The following TSHR variants were observed in gnomAD, a reference collection of about 807,000 sequenced individuals.
TSHR encodes the protein thyrotropin receptor.
A neutral mutation model predicts 64.1 loss-of-function variants in TSHR; 51 were observed. The observed-to-expected ratio is 0.80, with a 90% CI of 0.64 to 1.01. The LOEUF (loss-of-function observed/expected upper bound fraction) is 1.01, where lower values mean the gene tolerates loss of function less well. Among genes scored for constraint, TSHR ranks in the 50% least tolerant of loss-of-function variants. The pLI, the probability that TSHR is intolerant of heterozygous loss-of-function variation, is 0.00. For synonymous variants in TSHR, 361 were observed against 361.9 expected, an observed-to-expected ratio of 1.00 and a Z score of 0.03; for missense variants, 877 against 942.8, an observed-to-expected ratio of 0.93 and a Z score of 0.91.
At chr14:80,981,242 A>T (rs539509918) in intron 1 of TSHR, among the ~76,000 whole-genome samples, 2 of 152,316 alleles carry the variant, frequency 1.3e-5, no homozygotes, top group East Asian at 3.9e-4. Flanking sequence ...TCAGCTTGGG[A>T]GGTGTCTCAG....
chr14:81,063,894 T>C (rs1197658564), intron 2 of TSHR, among the ~76,000 whole-genome samples: 1 of 151,938 alleles, frequency 6.6e-6, no homozygotes, highest in Non-Finnish European at 1.5e-5. Flanking sequence ...TGATCTGCAT[T>C]ATATAGCAAA....
At chr14:81,030,927 C>T (rs1437139401) in intron 1 of TSHR, among the ~76,000 whole-genome samples, 1 of 152,020 alleles carries the variant, frequency 6.6e-6, no homozygotes, top group Non-Finnish European at 1.5e-5. Flanking sequence ...TGGAGGTTTG[C>T]CAGGGCATAT....
intron 8 of TSHR, among the ~76,000 whole-genome samples, chr14:81,126,531 G>A (rs1891026902): frequency 6.6e-6 from 1 of 152,066 alleles, no homozygotes; most frequent in Non-Finnish European, 1.5e-5. Context: ...TATTTCTTTA[G>A]CATGGTTTTG....
intron 3 of TSHR, among the ~76,000 whole-genome samples, chr14:81,077,732 T>C (rs751848466): frequency 1.3e-5 from 2 of 152,226 alleles, no homozygotes; most frequent in Non-Finnish European, 2.9e-5. Context: ...TTTTCCTATT[T>C]GCTTTGTCTT....
At chr14:80,959,948 G>C (rs924503216) in intron 1 of TSHR, among the ~76,000 whole-genome samples, 12 of 152,010 alleles carry the variant, frequency 7.9e-5, no homozygotes, top group Admixed American at 6.6e-4. Context: ...GCATGACTTC[G>C]TACAAATAAG....
intron 1 of TSHR, chr14:80,992,019 T>G (rs1888749365): frequency 6.3e-6 from 1 of 159,828 alleles, no homozygotes; most frequent in African/African-American, 2.4e-5. Flanking sequence ...TCCTATAAAC[T>G]GGGGACTATT....
chr14:81,060,177 G>A (rs537041190), intron 1 of TSHR, among the ~76,000 whole-genome samples: 35 of 152,156 alleles, frequency 2.3e-4, no homozygotes, highest in African/African-American at 4.6e-4. Context: ...CAATCTTACC[G>A]TAAGTATGCC....
Position 81,144,643 on chromosome 14 carries a change from G to A in TSHR, c.*290G>A, listed in dbSNP as rs575676055. ...TGATGCCAAGTCCAGAGATGTCATT[G>A]TGTAGGATGTTCAGTAAATATTAAC... On this transcript the variant is annotated 3_prime_UTR_variant, in exon 10 of 10. Transcript: ENST00000298171. 9.0e-6 allele frequency: 4 copies of A among 445,674 alleles called. No homozygotes were observed. Among genetic ancestry groups the A allele is most frequent in the Non-Finnish European group, 1.6e-5 (4 of 247,478 alleles). The allele number at this position is 445,674 out of a possible 1,614,324, so 27.6% of individuals were successfully genotyped here. A position where few individuals can be genotyped will look rare whatever the true frequency, so the allele number is the denominator to read the frequency against.
intron 2 of TSHR, among the ~76,000 whole-genome samples, chr14:81,064,562 AACAG>A (rs1886470514): frequency 6.6e-6 from 1 of 152,182 alleles, no homozygotes; most frequent in Non-Finnish European, 1.5e-5. Flanking sequence ...TCAGGGAACA[AACAG>A]ACAAAGATCC....
chr14:81,063,505 T>A (rs1369762224), intron 2 of TSHR, among the ~76,000 whole-genome samples: 2 of 152,164 alleles, frequency 1.3e-5, no homozygotes, highest in African/African-American at 4.8e-5. Flanking sequence ...GTTCCTTCTC[T>A]TTTAACAGCA....
chr14:81,113,202 T>C (rs1890306157), intron 8 of TSHR, among the ~76,000 whole-genome samples: 1 of 152,160 alleles, frequency 6.6e-6, no homozygotes, highest in Non-Finnish European at 1.5e-5. Context: ...GCAGTAGAGA[T>C]GATGAGAAAT....
chr14:81,059,159 C>G (rs1158144716), intron 1 of TSHR, among the ~76,000 whole-genome samples: 1 of 152,144 alleles, frequency 6.6e-6, no homozygotes, highest in Non-Finnish European at 1.5e-5. Flanking sequence ...GGAGCAGATG[C>G]TCTCTAAATA....
chr14:81,080,544 C>G (rs1036727026), intron 3 of TSHR, among the ~76,000 whole-genome samples: 1 of 151,988 alleles, frequency 6.6e-6, no homozygotes, highest in Non-Finnish European at 1.5e-5. Flanking sequence ...CTTTAAAAAT[C>G]TGAATACTTA....
chr14:80,963,034 T>C (rs893449435), intron 1 of TSHR, among the ~76,000 whole-genome samples: 45 of 152,154 alleles, frequency 3.0e-4, no homozygotes, highest in African/African-American at 9.7e-4. Flanking sequence ...TAATTTCCTT[T>C]TCAACTTAAA....
chr14:81,018,218 G>A (rs745621930), intron 1 of TSHR, among the ~76,000 whole-genome samples: 3 of 152,070 alleles, frequency 2.0e-5, no homozygotes, highest in Non-Finnish European at 4.4e-5. Flanking sequence ...CATGAAAGCC[G>A]CCCAATAAAT....
At chr14:80,985,109 G>C (rs1230662765) in intron 1 of TSHR, among the ~76,000 whole-genome samples, 1 of 152,132 alleles carries the variant, frequency 6.6e-6, no homozygotes, top group Non-Finnish European at 1.5e-5. Context: ...AATTAGCCGG[G>C]TGTGGTGGCG....
intron 6 of TSHR, 123 bp from the exon 7 acceptor site, chr14:81,096,516 T>C (rs1595105189): frequency 7.8e-6 from 7 of 897,012 alleles, no homozygotes; most frequent in Non-Finnish European, 1.3e-5. Flanking sequence ...GGGATACATA[T>C]GTGGGACCTG....
chr14:81,037,973 A>G (rs1884734497), intron 1 of TSHR, among the ~76,000 whole-genome samples: 1 of 151,688 alleles, frequency 6.6e-6, no homozygotes, highest in Non-Finnish European at 1.5e-5. Context: ...ACTCTAGACC[A>G]AATGGACCTA....
intron 1 of TSHR, among the ~76,000 whole-genome samples, chr14:80,957,483 A>T (rs779044806): frequency 7.2e-5 from 11 of 152,188 alleles, no homozygotes; most frequent in Non-Finnish European, 1.6e-4. Flanking sequence ...AAAAAAACTT[A>T]AGTGAATAAA....
Sources: gnomAD v4.1 joint callset for allele counts (sites outside exome capture counted in the v4.1 genomes callset) on GRCh38, gnomAD v4.1.1 for gene constraint, MANE v1.5 for transcripts, NCBI Gene and HGNC (gene_info 2026-07-23, HGNC 2026-07-21) for gene names.